PTPRT: variants seen among roughly 807,000 people sequenced by gnomAD.
The protein encoded by PTPRT is protein tyrosine phosphatase receptor type T.
Under a neutral mutation model 176.8 loss-of-function variants are expected in PTPRT, and 56 were observed. That is an observed-to-expected ratio of 0.32 (90% CI 0.26 to 0.40). The LOEUF is 0.40. PTPRT is among the 10% of genes least tolerant of loss of function. PTPRT has a pLI of 1.00. For synonymous variants in PTPRT, 783 were observed against 739.0 expected, an observed-to-expected ratio of 1.06 and a Z score of -0.96; for missense variants, 1,540 against 1,908.2, an observed-to-expected ratio of 0.81 and a Z score of 3.60.
intron 15 of PTPRT, among the ~76,000 whole-genome samples, chr20:42,223,321 T>G (rs140764889): frequency 2.8e-4 from 43 of 152,298 alleles, no homozygotes; most frequent in Admixed American, 2.6e-4. Flanking sequence ...ACAGCCCACA[T>G]TTGGTGTTAT....
Position 42,486,664 on chromosome 20 carries a change from T to C in PTPRT, c.1154-14102A>G, listed in dbSNP as rs147321307. ...CAACAGACATTTATTCTCAAGCTCA[T>C]ACATCTGCTTGTATAATCTCCTGGT... On this transcript the variant is annotated intron_variant, in intron 7 of 30. Transcript: ENST00000373187. 2.6e-5 allele frequency among the ~76,000 whole-genome samples: 4 copies of C among 152,272 alleles called. No homozygotes were observed. The East Asian group carries it at 7.7e-4, about 29-fold the overall frequency.
intron 1 of PTPRT, among the ~76,000 whole-genome samples, chr20:43,076,175 A>AGTGCCTTTTCCTTCTGTGC (rs879778034): frequency 2.6e-5 from 4 of 152,150 alleles, no homozygotes; most frequent in Admixed American, 2.0e-4. Flanking sequence ...GTGGGCAGAT[A>AGTGCCTTTTCCTTCTGTGC]GTGCCTTTTC....
chr20:42,837,258 G>A (rs2078197649), intron 2 of PTPRT, among the ~76,000 whole-genome samples: 1 of 152,158 alleles, frequency 6.6e-6, no homozygotes, highest in Admixed American at 6.5e-5. Context: ...CACTGTGAGT[G>A]GGCCCAGCAC....
At chr20:42,903,673 T>C (rs2079436817) in intron 1 of PTPRT, among the ~76,000 whole-genome samples, 1 of 152,168 alleles carries the variant, frequency 6.6e-6, no homozygotes, top group African/African-American at 2.4e-5. Context: ...CCGTTAAGTG[T>C]GCATTAATTG....
intron 1 of PTPRT, among the ~76,000 whole-genome samples, chr20:43,136,454 GA>G (rs2013837072): frequency 6.6e-6 from 1 of 152,166 alleles, no homozygotes; most frequent in Admixed American, 6.5e-5. Flanking sequence ...TCCAAGAAAA[GA>G]ACAAATGTTC....
rs1190521803 is a variant in PTPRT, at chr20:42,764,609, G to C, written c.684+6826C>G. On this transcript the variant is annotated intron_variant, in intron 5 of 30. Transcript: ENST00000373187. ...CCCAGGACTGAGAGACAGGACCTAT[G>C]TTTCTTCACACCATGCTTCTGCTGC... 2.0e-5 allele frequency among the ~76,000 whole-genome samples: 3 copies of C among 152,278 alleles called. No individual in the cohort carries two copies. In the East Asian group the frequency reaches 5.8e-4, roughly 29 times the overall value.
At chr20:42,517,383 G>T (rs1389511294) in intron 7 of PTPRT, among the ~76,000 whole-genome samples, 1 of 151,556 alleles carries the variant, frequency 6.6e-6, no homozygotes, top group Non-Finnish European at 1.5e-5. Flanking sequence ...TGGCTTATTT[G>T]TACCTTCTCT....
At chr20:43,076,049 C>T (rs2011266305) in intron 1 of PTPRT, among the ~76,000 whole-genome samples, 1 of 152,176 alleles carries the variant, frequency 6.6e-6, no homozygotes, top group South Asian at 2.1e-4. Flanking sequence ...AATCTTAAAT[C>T]TCCTACTTAA....
At chr20:42,431,263 T>G (rs1298367775) in intron 9 of PTPRT, among the ~76,000 whole-genome samples, 1 of 152,208 alleles carries the variant, frequency 6.6e-6, no homozygotes, top group African/African-American at 2.4e-5. Flanking sequence ...CAACGTTAGA[T>G]CTAGGATTTG....
chr20:42,752,057 C>T (rs2076777607), intron 6 of PTPRT, among the ~76,000 whole-genome samples: 1 of 152,134 alleles, frequency 6.6e-6, no homozygotes, highest in African/African-American at 2.4e-5. Flanking sequence ...TCTTCTTATA[C>T]TCGGCACATC....
At chr20:42,899,472 T>A (rs948022339) in intron 1 of PTPRT, among the ~76,000 whole-genome samples, 2 of 152,226 alleles carry the variant, frequency 1.3e-5, no homozygotes, top group African/African-American at 4.8e-5. Flanking sequence ...TCTCTGGGCA[T>A]CTTCCACATC....
intron 1 of PTPRT, among the ~76,000 whole-genome samples, chr20:42,935,252 A>ACCTTAGCCT (rs1482538603): frequency 7.3e-6 from 1 of 136,734 alleles, no homozygotes; most frequent in Non-Finnish European, 1.5e-5. Flanking sequence ...CAATCCTCCT[A>ACCTTAGCCT]CCTTAGCCTC....
rs183098204 is a variant in PTPRT, at chr20:42,624,953, A to G, written c.1153+52913T>C. Among the ~76,000 whole-genome samples the G allele has an allele frequency of 2.0e-3, 303 of 152,322 alleles. 5 individuals carry two copies. Among genetic ancestry groups the G allele is most frequent in the East Asian group, 0.014 (70 of 5,184 alleles). ...AAGGGACTCCAGAGGTACCACAGTC[A>G]AGTTCCAAATTTGGCTTGAGGCATC... On this transcript the variant is annotated intron_variant, in intron 7 of 30. Transcript: ENST00000373187.
rs796565670 is a variant in PTPRT at position 42,855,120 on chromosome 20, C to T, written c.214+30687G>A. Reference sequence around the variant, plus strand: ...ATCACACACTTGATATATAAATAGGCCATTTCAGTGAATACAGTCATTGGA... The same window carrying T: ...ATCACACACTTGATATATAAATAGGTCATTTCAGTGAATACAGTCATTGGA... On this transcript the variant is annotated intron_variant, in intron 2 of 30. Coordinates refer to ENST00000373187, the MANE Select transcript of PTPRT (RefSeq NM_007050.6). 2.6e-5 allele frequency among the ~76,000 whole-genome samples: 4 copies of T among 152,172 alleles called. No homozygotes were observed. The South Asian group carries it at 8.3e-4, about 32-fold the overall frequency.
intron 13 of PTPRT, among the ~76,000 whole-genome samples, chr20:42,276,959 A>T (rs2057050298): frequency 6.6e-6 from 1 of 152,118 alleles, no homozygotes; most frequent in Admixed American, 6.5e-5. Flanking sequence ...AGGAGTGAGA[A>T]TCCATTATGG....
At chr20:42,462,653 G>A (rs1427255153) in intron 8 of PTPRT, among the ~76,000 whole-genome samples, 1 of 152,164 alleles carries the variant, frequency 6.6e-6, no homozygotes, top group Non-Finnish European at 1.5e-5. Flanking sequence ...TGAGATTACA[G>A]AGGGGTTAGA....
chr20:42,482,499 A>G (rs1282224400), intron 7 of PTPRT, among the ~76,000 whole-genome samples: 1 of 152,234 alleles, frequency 6.6e-6, no homozygotes, highest in East Asian at 1.9e-4. Flanking sequence ...CCATGTGCTG[A>G]GAACTATACT....
chr20:43,097,458 T>C lies in PTPRT; in HGVS notation c.88+92188A>G, dbSNP rs150261950. On this transcript the variant is annotated intron_variant, in intron 1 of 30. Coordinates refer to ENST00000373187, the MANE Select transcript of PTPRT (RefSeq NM_007050.6). Reference sequence around the variant, plus strand: ...TAATGGCCACAGAACATTAATGAGCTAACACAAGGCACTCATTCTATGCCG... The same window carrying C: ...TAATGGCCACAGAACATTAATGAGCCAACACAAGGCACTCATTCTATGCCG... Among the ~76,000 whole-genome samples the C allele has an allele frequency of 1.9e-3, 285 of 152,316 alleles. 1 individual carries two copies. Among genetic ancestry groups the C allele is most frequent in the African/African-American group, 6.6e-3 (276 of 41,578 alleles).
chr20:43,022,436 G>A (rs1985727100), intron 1 of PTPRT, among the ~76,000 whole-genome samples: 1 of 152,198 alleles, frequency 6.6e-6, no homozygotes, highest in Admixed American at 6.5e-5. Flanking sequence ...GCTAGATACT[G>A]AGTAGAAACT....
Sources: allele counts gnomAD v4.1 joint callset (sites outside exome capture counted in the v4.1 genomes callset), GRCh38; gene constraint gnomAD v4.1.1; transcripts MANE v1.5; gene names NCBI Gene and HGNC (gene_info 2026-07-23, HGNC 2026-07-21).